Variants in PCDH15 observed in about 807,000 individuals in gnomAD.
PCDH15 encodes the protein protocadherin related 15.
In PCDH15, 129 loss-of-function variants were observed where a neutral mutation model predicts 178.5. The ratio of observed to expected loss-of-function variants is 0.72; its 90% CI spans 0.63 to 0.84. PCDH15 has a LOEUF of 0.84. PCDH15 is among the 40% of genes least tolerant of loss of function. The probability of loss-of-function intolerance (pLI) is 0.00; values close to 1 mark genes in which losing one functional copy is unlikely to be tolerated. For missense variants in PCDH15, 2,230 were observed against 2,099.9 expected (o/e 1.06, Z -1.21); for synonymous variants, 800 against 732.0 (o/e 1.09, Z -1.50).
chr10:54,679,856 C>A (rs2094866805), intron 1 of PCDH15, among the ~76,000 whole-genome samples: 2 of 152,140 alleles, frequency 1.3e-5, no homozygotes, highest in Admixed American at 6.5e-5. Flanking sequence ...AGCAGACACT[C>A]ATTTTTTCCA....
chr10:53,916,514 T>G (rs939627383), intron 25 of PCDH15, among the ~76,000 whole-genome samples: 1 of 71,326 alleles, frequency 1.4e-5, no homozygotes, highest in Non-Finnish European at 2.5e-5. Context: ...TGACTGTGAC[T>G]TTTAGCTCAG....
intron 2 of PCDH15, among the ~76,000 whole-genome samples, chr10:55,373,913 G>A (rs996458242): frequency 3.3e-5 from 5 of 151,326 alleles, no homozygotes; most frequent in Admixed American, 3.3e-4. Context: ...GACACAGGGA[G>A]GGGAACATCA....
intron 2 of PCDH15, among the ~76,000 whole-genome samples, chr10:55,031,612 A>G (rs964692950): frequency 1.3e-5 from 2 of 152,194 alleles, no homozygotes; most frequent in Non-Finnish European, 2.9e-5. Flanking sequence ...TCTAGAATTC[A>G]GATGTTGCCA....
At chr10:54,882,371 G>A (rs1397623441) in intron 3 of PCDH15, among the ~76,000 whole-genome samples, 1 of 151,936 alleles carries the variant, frequency 6.6e-6, no homozygotes, top group Non-Finnish European at 1.5e-5. Context: ...GTCTCATAAA[G>A]TCGGAAAATG....
At chr10:54,741,887 T>C (rs1240820775) in intron 1 of PCDH15, among the ~76,000 whole-genome samples, 1 of 152,010 alleles carries the variant, frequency 6.6e-6, no homozygotes, top group Admixed American at 6.6e-5. Flanking sequence ...GTCACTTGAG[T>C]GGTAATCCTA....
At chr10:54,110,040 G>A (rs1167952860) in intron 15 of PCDH15, among the ~76,000 whole-genome samples, 1 of 152,020 alleles carries the variant, frequency 6.6e-6, no homozygotes. Flanking sequence ...GCAATAGTTT[G>A]GGGTATGGTA....
intron 2 of PCDH15, among the ~76,000 whole-genome samples, chr10:55,094,184 C>T (rs894073978): frequency 7.2e-5 from 11 of 152,202 alleles, no homozygotes; most frequent in African/African-American, 2.2e-4. Context: ...ACATGTGGCA[C>T]ATATACACCA....
intron 6 of PCDH15, among the ~76,000 whole-genome samples, chr10:54,337,949 T>A (rs1318573885): frequency 2.0e-5 from 3 of 152,220 alleles, no homozygotes; most frequent in Non-Finnish European, 2.9e-5. Context: ...TTGAAAACTG[T>A]TCACTGAAAT....
intron 3 of PCDH15, among the ~76,000 whole-genome samples, chr10:54,393,503 GA>G (rs1565163225): frequency 6.6e-6 from 1 of 152,128 alleles, no homozygotes; most frequent in Non-Finnish European, 1.5e-5. Flanking sequence ...ACAAGTATTG[GA>G]ATGGGAGGCA....
chr10:54,898,433 G>A (rs1954584118), intron 2 of PCDH15, among the ~76,000 whole-genome samples: 1 of 152,014 alleles, frequency 6.6e-6, no homozygotes, highest in Non-Finnish European at 1.5e-5. Context: ...TTTGAGACAA[G>A]ATATCTAAGT....
intron 1 of PCDH15, among the ~76,000 whole-genome samples, chr10:54,748,465 T>A (rs542450603): frequency 6.6e-6 from 1 of 152,282 alleles, no homozygotes; most frequent in Non-Finnish European, 1.5e-5. Context: ...AACAAGAATC[T>A]GTTAAAATGA....
chr10:55,011,071 A>G (rs950430587), intron 2 of PCDH15, among the ~76,000 whole-genome samples: 2 of 151,794 alleles, frequency 1.3e-5, no homozygotes, highest in African/African-American at 2.4e-5. Context: ...ATATATCAAG[A>G]GAGTAAACAC....
intron 5 of PCDH15, among the ~76,000 whole-genome samples, chr10:54,349,215 A>T (rs1369440324): frequency 6.6e-6 from 1 of 152,182 alleles, no homozygotes; most frequent in African/African-American, 2.4e-5. Flanking sequence ...GGGGTAATGT[A>T]TACTATTGGA....
intron 2 of PCDH15, among the ~76,000 whole-genome samples, chr10:55,430,947 C>T (rs1838867485): frequency 6.6e-6 from 1 of 152,178 alleles, no homozygotes; most frequent in Non-Finnish European, 1.5e-5. Context: ...CAAGACTCCA[C>T]ATCAAGATTA....
At chr10:55,466,694 T>G (rs1009879670) in intron 2 of PCDH15, among the ~76,000 whole-genome samples, 2 of 152,046 alleles carry the variant, frequency 1.3e-5, no homozygotes, top group African/African-American at 4.8e-5. Context: ...ATCACTCACA[T>G]AGAGATGACC....
intron 3 of PCDH15, among the ~76,000 whole-genome samples, chr10:54,512,609 CT>C (rs1467081134): frequency 6.6e-6 from 1 of 152,034 alleles, no homozygotes; most frequent in Admixed American, 6.6e-5. Flanking sequence ...ATTTCATGAA[CT>C]GCAAACTCAC....
Position 53,805,289 on chromosome 10 carries a change from C to CTAAG in PCDH15, c.*1286_*1289dup, listed in dbSNP as rs1386553377. ...TGAAGTGAGCTACATCTATATCATA[C>CTAAG]TAAGTAATATTCAATAGAATTCTGA... On this transcript the variant is annotated 3_prime_UTR_variant, in exon 38 of 38. Coordinates refer to ENST00000644397, the MANE Select transcript of PCDH15 (RefSeq NM_001384140.1). 2 of 151,948 alleles carry CTAAG rather than the reference C, an allele frequency of 1.3e-5. No homozygotes were observed. The highest frequency in any genetic ancestry group is 1.9e-4 in the East Asian group (1 of 5,182). The allele number at this position is 151,948 out of a possible 1,614,324, so 9.4% of individuals were successfully genotyped here. A position where few individuals can be genotyped will look rare whatever the true frequency, so the allele number is the denominator to read the frequency against.
At chr10:55,270,845 A>C (rs1224235020) in intron 1 of PCDH15, among the ~76,000 whole-genome samples, 1 of 151,888 alleles carries the variant, frequency 6.6e-6, no homozygotes, top group Non-Finnish European at 1.5e-5. Flanking sequence ...TCACATGTTC[A>C]TTGCTATACT....
At position 54,820,857 on chromosome 10, in the gene PCDH15, C is replaced by T. The variant is rs79017983; in HGVS notation, c.-29+76593G>A. On this transcript the variant is annotated intron_variant, in intron 3 of 5. Transcript: ENST00000458638. ...ATTAATTCCATTATGGCAAAAATTACTCAAAATAAAGAAAGGAAAATCTTA... is the reference window on the plus strand; with the variant it reads ...ATTAATTCCATTATGGCAAAAATTATTCAAAATAAAGAAAGGAAAATCTTA... Among the ~76,000 whole-genome samples the T allele has an allele frequency of 4.3e-4, 66 of 151,992 alleles. No homozygotes were observed. The East Asian group carries it at 0.013, about 29-fold the overall frequency.
Sources: allele counts gnomAD v4.1 joint callset (sites outside exome capture counted in the v4.1 genomes callset), GRCh38; gene constraint gnomAD v4.1.1; transcripts MANE v1.5; gene names NCBI Gene and HGNC (gene_info 2026-07-23, HGNC 2026-07-21).